Variants in KANK1 observed in about 807,000 individuals in gnomAD.
KANK1 encodes KN motif and ankyrin repeat domain-containing protein 1.
KANK1 carries 109 observed loss-of-function variants against 106.2 expected under a neutral mutation model. The observed-to-expected ratio is 1.03, with a 90% CI of 0.88 to 1.20. KANK1 has a LOEUF of 1.20. Among genes scored for constraint, KANK1 ranks in the 50% most tolerant of loss-of-function variants. The pLI is 0.00. For missense variants in KANK1, 2,399 were observed against 1,710.7 expected (o/e 1.40, Z -7.10); for synonymous variants, 873 against 652.2 (o/e 1.34, Z -5.16).
intron 1 of KANK1, among the ~76,000 whole-genome samples, chr9:566,864 C>G (rs1341804077): frequency 6.6e-6 from 1 of 152,310 alleles, no homozygotes; most frequent in East Asian, 1.9e-4. Context: ...AATTAGATCC[C>G]ATTTGTCAAT....
intron 10 of KANK1, among the ~76,000 whole-genome samples, chr9:743,175 T>A (rs1836152583): frequency 6.6e-6 from 1 of 152,226 alleles, no homozygotes. Context: ...AGTTTATCTC[T>A]GTGGATCACA....
At chr9:499,993 C>G (rs1470850519), upstream of KANK1, among the ~76,000 whole-genome samples, 1 of 152,218 alleles carries the variant, frequency 6.6e-6, no homozygotes, top group Non-Finnish European at 1.5e-5. Flanking sequence ...CCCTCAGACT[C>G]TTCCCCTCCT....
intron 2 of KANK1, among the ~76,000 whole-genome samples, chr9:694,130 G>A (rs933077990): frequency 2.0e-5 from 3 of 152,088 alleles, no homozygotes; most frequent in Non-Finnish European, 4.4e-5. Context: ...CCAATAGGGA[G>A]TTGCTCAATA....
chr9:519,662 G>A (rs766627947), intron 1 of KANK1, among the ~76,000 whole-genome samples: 20 of 151,706 alleles, frequency 1.3e-4, no homozygotes, highest in Non-Finnish European at 2.5e-4. Flanking sequence ...ATTTTGCCAG[G>A]AGACTGGTAT....
chr9:536,390 A>G (rs1202921272), intron 1 of KANK1, among the ~76,000 whole-genome samples: 2 of 152,048 alleles, frequency 1.3e-5, no homozygotes, highest in Non-Finnish European at 2.9e-5. Flanking sequence ...AGTTGTGTAG[A>G]TCAGAAGTTG....
At chr9:655,375 A>G (rs1180986127) in intron 1 of KANK1, among the ~76,000 whole-genome samples, 2 of 5,596 alleles carry the variant, frequency 3.6e-4, no homozygotes, top group Non-Finnish European at 7.7e-4. Context: ...CTGTCTAAAA[A>G]AAAAAAAAAA....
intron 1 of KANK1, among the ~76,000 whole-genome samples, chr9:605,066 G>A (rs1828747444): frequency 6.6e-6 from 1 of 151,690 alleles, no homozygotes; most frequent in Non-Finnish European, 1.5e-5. Flanking sequence ...CTCTTTGGGA[G>A]GCCGAGGCAG....
intron 3 of KANK1, among the ~76,000 whole-genome samples, chr9:490,099 C>T (rs58411986): frequency 0.019 from 2,943 of 152,220 alleles, 111 homozygotes; most frequent in African/African-American, 0.065. Flanking sequence ...ACTTGGCCAG[C>T]GGAAATACTT....
At chr9:581,307 C>T (rs1378865267) in intron 1 of KANK1, among the ~76,000 whole-genome samples, 1 of 152,250 alleles carries the variant, frequency 6.6e-6, no homozygotes, top group Non-Finnish European at 1.5e-5. Context: ...ACGTTGTCAC[C>T]TCTCAATGCC....
intron 2 of KANK1, chr9:686,849 C>T: frequency 3.0e-6 from 3 of 985,274 alleles, no homozygotes; most frequent in South Asian, 4.7e-5. Context: ...TAGAAAACAG[C>T]AGCTGGAATT....
At chr9:602,347 G>A (rs1389418495) in intron 1 of KANK1, among the ~76,000 whole-genome samples, 5 of 151,496 alleles carry the variant, frequency 3.3e-5, no homozygotes, top group Non-Finnish European at 5.9e-5. Context: ...GCAACCTCCC[G>A]CTCCTGGGTT....
At chr9:736,069 T>C (rs1833719955) in intron 7 of KANK1, among the ~76,000 whole-genome samples, 1 of 152,146 alleles carries the variant, frequency 6.6e-6, no homozygotes, top group Non-Finnish European at 1.5e-5. Flanking sequence ...GCCATTCTCC[T>C]GCCTCACCCT....
At chr9:612,554 T>C (rs957787851) in intron 1 of KANK1, among the ~76,000 whole-genome samples, 1 of 152,220 alleles carries the variant, frequency 6.6e-6, no homozygotes, top group Non-Finnish European at 1.5e-5. Context: ...TAAGCCTTTA[T>C]GTTAAAAACG....
chr9:576,603 C>T (rs946872912), intron 1 of KANK1, among the ~76,000 whole-genome samples: 6 of 152,270 alleles, frequency 3.9e-5, no homozygotes, highest in African/African-American at 9.6e-5. Flanking sequence ...CTGGCAATCA[C>T]GGAGACTTGA....
At chr9:551,284 G>T (rs902279226) in intron 1 of KANK1, among the ~76,000 whole-genome samples, 14 of 151,826 alleles carry the variant, frequency 9.2e-5, no homozygotes, top group African/African-American at 2.9e-4. Flanking sequence ...AGATTGAGTA[G>T]ATGGGAGGCA....
In KANK1 at chr9:712,680, C is replaced by T. The variant is rs762687719; in HGVS notation, c.1914C>T (p.Thr638=). 23 of 1,613,936 alleles carry T rather than the reference C, an allele frequency of 1.4e-5. No homozygotes were observed. The highest frequency in any genetic ancestry group is 6.7e-5 in the Admixed American group (4 of 59,992). ...IGCGDCSVDV[T]VCSPKECASR... is the part of the protein sequence containing the mutation. ...GTGGAGATTGTTCTGTTGACGTGAC[C>T]GTCTGCTCTCCAAAGGAGTGCGCCT... The change falls in exon 3 of 12, where the codon ACC becomes ACT. Residue 638 remains threonine (T), a synonymous_variant. Coordinates refer to ENST00000382297, the MANE Select transcript of KANK1 (RefSeq NM_015158.5).
At chr9:626,204 C>T (rs1029809247) in intron 1 of KANK1, among the ~76,000 whole-genome samples, 4 of 152,092 alleles carry the variant, frequency 2.6e-5, no homozygotes, top group South Asian at 2.1e-4. Context: ...TGGTTCATGC[C>T]TGTAATCCCA....
intron 10 of KANK1, among the ~76,000 whole-genome samples, chr9:744,186 A>AAT (rs1836543647): frequency 6.6e-6 from 1 of 151,378 alleles, no homozygotes. Context: ...GGTCATTCAT[A>AAT]ATTAATTAGA....
Position 615,437 on chromosome 9 carries a change from C to T in KANK1, c.-83-61453C>T, listed in dbSNP as rs181842599. 9.7e-4 allele frequency among the ~76,000 whole-genome samples: 148 copies of T among 152,088 alleles called. 2 individuals are homozygous for T. Among genetic ancestry groups the T allele is most frequent in the African/African-American group, 3.4e-3 (141 of 41,478 alleles). ...ATCACTGGGTGGGAGAAAGCCTTACCTGTGATGGTTTGAGTACCCACATTT... is the reference window on the plus strand; with the variant it reads ...ATCACTGGGTGGGAGAAAGCCTTACTTGTGATGGTTTGAGTACCCACATTT... On this transcript the variant is annotated intron_variant, in intron 1 of 11. Coordinates refer to ENST00000382297, the MANE Select transcript of KANK1 (RefSeq NM_015158.5).
Sources: allele counts gnomAD v4.1 joint callset (sites outside exome capture counted in the v4.1 genomes callset), GRCh38; gene constraint gnomAD v4.1.1; transcripts MANE v1.5; gene names NCBI Gene and HGNC (gene_info 2026-07-23, HGNC 2026-07-21).